ASRGL1: variants seen among roughly 807,000 people sequenced by gnomAD.
The protein encoded by ASRGL1 is isoaspartyl peptidase/L-asparaginase.
Under a neutral mutation model 22.4 loss-of-function variants are expected in ASRGL1, and 16 were observed. The observed-to-expected ratio is 0.71, with a 90% CI of 0.48 to 1.08. ASRGL1 has a LOEUF of 1.08. Among genes scored for constraint, ASRGL1 ranks in the 50% least tolerant of loss-of-function variants. The pLI is 0.00. For synonymous variants in ASRGL1, 165 were observed against 159.3 expected, an observed-to-expected ratio of 1.04 and a Z score of -0.27; for missense variants, 412 against 410.1, an observed-to-expected ratio of 1.00 and a Z score of -0.04.
chr11:62,344,108 G>C (rs1945948943), intron 2 of ASRGL1, among the ~76,000 whole-genome samples: 1 of 150,442 alleles, frequency 6.6e-6, no homozygotes, highest in Admixed American at 6.6e-5. Flanking sequence ...ATGTTGGCCA[G>C]GCTGATCTTG....
Position 62,362,510 on chromosome 11 carries a change from ACATATATTATTTATAT to A in ASRGL1, c.491+5367_491+5382del, listed in dbSNP as rs1387930978. Among the ~76,000 whole-genome samples the A allele has an allele frequency of 4.4e-3, 214 of 48,294 alleles. 2 individuals carry two copies. The highest frequency in any genetic ancestry group is 0.018 in the African/African-American group (201 of 11,042). 31.7% of individuals were successfully genotyped at this position (48,294 alleles called of 152,430 possible). On this transcript the variant is annotated intron_variant, in intron 4 of 6. Coordinates refer to ENST00000415229, the MANE Select transcript of ASRGL1 (RefSeq NM_001083926.2). ...TAATATATATTATATAAAATATATA[ACATATATTATTTATAT>A]AATATATATTATATAAAATATATAA...
At chr11:62,346,948 G>T (rs1197081578) in intron 2 of ASRGL1, among the ~76,000 whole-genome samples, 1 of 149,822 alleles carries the variant, frequency 6.7e-6, no homozygotes, top group Non-Finnish European at 1.5e-5. Context: ...CCAGCCTGGG[G>T]CGACAGTGAG....
intron 4 of ASRGL1, among the ~76,000 whole-genome samples, chr11:62,374,826 T>C (rs186691216): frequency 2.0e-5 from 3 of 152,228 alleles, no homozygotes; most frequent in Non-Finnish European, 4.4e-5. Context: ...TTTGCTAAAC[T>C]AACCTAATTT....
At chr11:62,396,237 T>C (rs1045469067), downstream of ASRGL1, among the ~76,000 whole-genome samples, 3 of 143,542 alleles carry the variant, frequency 2.1e-5, no homozygotes, top group African/African-American at 7.8e-5. Context: ...GGTGGGAGTA[T>C]GGGCCTGGAA....
rs773842305 is a variant in ASRGL1, at chr11:62,389,321, C to T, written c.610+70C>T. The T allele has an allele frequency of 5.2e-6, 7 of 1,351,392 alleles. No individual in the cohort carries two copies. The African/African-American group carries it at 1.0e-4, about 19-fold the overall frequency. The allele number at this position is 1,351,392 out of a possible 1,614,324, so 83.7% of individuals were successfully genotyped here. ...CCTCAGGCTTTCCTCACTCTCTATT[C>T]CCTGCCCCTCTCCGTTTCTTGCTGC... is the stretch of plus-strand genomic sequence containing the variant. On this transcript the variant is annotated intron_variant, in intron 5 of 6. Transcript: ENST00000415229.
intron 4 of ASRGL1, among the ~76,000 whole-genome samples, chr11:62,361,156 T>A (rs535542389): frequency 2.0e-5 from 3 of 152,198 alleles, no homozygotes; most frequent in African/African-American, 7.2e-5. Context: ...TTTGTAAAAA[T>A]TTTTTTGTCA....
downstream of ASRGL1, among the ~76,000 whole-genome samples, chr11:62,396,363 C>G (rs887249674): frequency 6.6e-6 from 1 of 152,068 alleles, no homozygotes; most frequent in Non-Finnish European, 1.5e-5. Flanking sequence ...TCCACACCCC[C>G]ACAAAGAGCT....
chr11:62,399,023 C>T, the ASRGL1 span, among the ~76,000 whole-genome samples: 1 of 152,070 alleles, frequency 6.6e-6, no homozygotes, highest in African/African-American at 2.4e-5. Flanking sequence ...ACAGAATTAG[C>T]TGGACGTGGT....
intron 4 of ASRGL1, among the ~76,000 whole-genome samples, chr11:62,360,215 A>G (rs767640429): frequency 1.7e-4 from 25 of 151,438 alleles, no homozygotes; most frequent in Non-Finnish European, 2.7e-4. Context: ...TTTAGTAGAG[A>G]GAGGGTTTCA....
rs114863445 is a variant in ASRGL1 at position 62,347,436 on chromosome 11, A to G, written c.191-8889A>G. On this transcript the variant is annotated intron_variant, in intron 2 of 6. Coordinates refer to ENST00000415229, the MANE Select transcript of ASRGL1 (RefSeq NM_001083926.2). The stretch of plus-strand genomic sequence containing the variant: ...TGATTACACGATTGGTTCCCTGGCA[A>G]CCAGCTCCCCATTTTGAGGCTATCT... Among the ~76,000 whole-genome samples the G allele has an allele frequency of 4.4e-3, 671 of 152,264 alleles. 10 individuals carry two copies. The highest frequency in any genetic ancestry group is 0.016 in the African/African-American group (645 of 41,562).
chr11:62,389,240 C>T lies in ASRGL1; in HGVS notation c.599C>T (p.Ser200Leu). The T allele has an allele frequency of 6.2e-7, 1 of 1,613,936 alleles. No homozygotes were observed. The highest frequency in any genetic ancestry group is 8.5e-7 in the Non-Finnish European group (1 of 1,179,856). Residue 200 changes from serine to leucine, a missense_variant, in exon 5 of 7, where the codon TCA (serine) becomes TTA (leucine). Physicochemically the swap from Ser to Leu is moderately radical, Grantham distance 145 (BLOSUM62 -2). Coordinates refer to ENST00000415229, the MANE Select transcript of ASRGL1 (RefSeq NM_001083926.2). ...AAAATGGTCGGCCGCGTTGGGGACT[C>T]ACCGTGTCTAGGTAGGACCAAGGGA... ...VNKMVGRVGD[S>L]PCLGAGGYAD...
intron 2 of ASRGL1, among the ~76,000 whole-genome samples, chr11:62,352,729 A>G (rs1365652495): frequency 3.9e-5 from 6 of 152,204 alleles, no homozygotes; most frequent in African/African-American, 9.6e-5. Context: ...TCTTTTCTTC[A>G]GCACTTGAAA....
chr11:62,362,846 C>CACACACA (rs1555003175), intron 4 of ASRGL1, among the ~76,000 whole-genome samples: 2 of 31,138 alleles, frequency 6.4e-5, no homozygotes, highest in African/African-American at 8.7e-5. Flanking sequence ...ACACACACAT[C>CACACACA]CATATAAATA....
chr11:62,399,863 C>T, the ASRGL1 span, among the ~76,000 whole-genome samples: 1 of 152,230 alleles, frequency 6.6e-6, no homozygotes, highest in African/African-American at 2.4e-5. Flanking sequence ...CACACACAGC[C>T]TGGCTTTTGA....
the ASRGL1 span, among the ~76,000 whole-genome samples, chr11:62,400,850 A>T: frequency 6.6e-6 from 1 of 152,184 alleles, no homozygotes; most frequent in Non-Finnish European, 1.5e-5. Flanking sequence ...CCTTCTGAAA[A>T]GTAGCTCAGA....
chr11:62,374,567 C>T (rs1946863905), intron 4 of ASRGL1, among the ~76,000 whole-genome samples: 1 of 152,104 alleles, frequency 6.6e-6, no homozygotes, highest in Admixed American at 6.5e-5. Flanking sequence ...TACCACTTGT[C>T]ACTGTCTCCA....
intron 4 of ASRGL1, among the ~76,000 whole-genome samples, chr11:62,375,032 G>A (rs1301464596): frequency 2.0e-5 from 3 of 151,728 alleles, no homozygotes; most frequent in Admixed American, 6.6e-5. Context: ...TGCAGGAGCC[G>A]CCCTGGGCAG....
At chr11:62,374,828 A>G (rs1466537415) in intron 4 of ASRGL1, among the ~76,000 whole-genome samples, 1 of 152,080 alleles carries the variant, frequency 6.6e-6, no homozygotes, top group Non-Finnish European at 1.5e-5. Flanking sequence ...TGCTAAACTA[A>G]CCTAATTTGT....
At chr11:62,373,134 A>G in intron 4 of ASRGL1, 4 of 1,438,840 alleles carry the variant, frequency 2.8e-6, no homozygotes, top group Middle Eastern at 2.1e-4. Context: ...TGAGAAAGAA[A>G]AGATCAAGAA....
Sources: allele counts gnomAD v4.1 joint callset (sites outside exome capture counted in the v4.1 genomes callset), GRCh38; gene constraint gnomAD v4.1.1; transcripts MANE v1.5; gene names NCBI Gene and HGNC (gene_info 2026-07-23, HGNC 2026-07-21).